Variants in TENM4 observed in about 807,000 individuals in gnomAD.
TENM4 encodes the protein teneurin transmembrane protein 4.
TENM4 carries 82 observed loss-of-function variants against 243.3 expected under a neutral mutation model. That is an observed-to-expected ratio of 0.34 (90% CI 0.28 to 0.40). The LOEUF is 0.40. TENM4 is among the 10% of genes least tolerant of loss of function. The pLI is 1.00. For missense variants in TENM4, 3,138 were observed against 3,673.3 expected, an observed-to-expected ratio of 0.85 and a Z score of 3.77; for synonymous variants, 1,412 against 1,456.3, an observed-to-expected ratio of 0.97 and a Z score of 0.69.
At chr11:79,309,762 A>G (rs1856688039) in intron 1 of TENM4, among the ~76,000 whole-genome samples, 1 of 152,228 alleles carries the variant, frequency 6.6e-6, no homozygotes, top group African/African-American at 2.4e-5. Context: ...AGAAAAGACA[A>G]GACTTCCCAA....
At chr11:79,222,009 C>T (rs1017808528) in intron 2 of TENM4, among the ~76,000 whole-genome samples, 5 of 152,104 alleles carry the variant, frequency 3.3e-5, no homozygotes, top group African/African-American at 1.2e-4. Flanking sequence ...TGTGAACACA[C>T]GAGTGGTCCT....
intron 3 of TENM4, among the ~76,000 whole-genome samples, chr11:79,181,714 AAAAG>A (rs1000731357): frequency 4.6e-5 from 7 of 152,056 alleles, no homozygotes; most frequent in South Asian, 4.1e-4. Flanking sequence ...TAAAAAAAAA[AAAAG>A]AAAGTCCTGG....
chr11:79,203,322 C>T (rs935082089), intron 3 of TENM4, among the ~76,000 whole-genome samples: 6 of 152,130 alleles, frequency 3.9e-5, no homozygotes, highest in Admixed American at 3.9e-4. Context: ...GTGTTTATAG[C>T]AACATTATTC....
chr11:79,044,608 A>G (rs1859615867), intron 6 of TENM4, among the ~76,000 whole-genome samples: 1 of 152,212 alleles, frequency 6.6e-6, no homozygotes, highest in Non-Finnish European at 1.5e-5. Flanking sequence ...GAGGAAACAC[A>G]TCGTACTAAA....
At chr11:78,967,848 T>C (rs1392913235) in intron 6 of TENM4, among the ~76,000 whole-genome samples, 2 of 152,228 alleles carry the variant, frequency 1.3e-5, no homozygotes, top group Admixed American at 6.5e-5. Context: ...TCCAGGTTTC[T>C]AGAGAGGCAG....
At chr11:78,793,331 T>C (rs1259982528) in intron 15 of TENM4, among the ~76,000 whole-genome samples, 1 of 152,196 alleles carries the variant, frequency 6.6e-6, no homozygotes, top group Non-Finnish European at 1.5e-5. Context: ...CAAATGAAGC[T>C]GTTTCTAAAA....
At chr11:78,876,324 T>C (rs1479824925) in intron 9 of TENM4, among the ~76,000 whole-genome samples, 2 of 152,250 alleles carry the variant, frequency 1.3e-5, no homozygotes, top group African/African-American at 4.8e-5. Context: ...TCTGTAGTTT[T>C]ATACTGAAAG....
chr11:79,079,845 A>AC (rs1221263008), intron 4 of TENM4, among the ~76,000 whole-genome samples: 1 of 151,566 alleles, frequency 6.6e-6, no homozygotes, highest in Non-Finnish European at 1.5e-5. Context: ...AAAAAAAAAA[A>AC]AAAAGAAGAA....
At chr11:79,339,143 G>A (rs1171038949) in intron 1 of TENM4, among the ~76,000 whole-genome samples, 2 of 152,124 alleles carry the variant, frequency 1.3e-5, no homozygotes, top group East Asian at 1.9e-4. Flanking sequence ...GGCCAAGCAG[G>A]GGATTGTTGG....
Position 78,655,616 on chromosome 11 carries a change from G to T in TENM4, c.*2442C>A, listed in dbSNP as rs1857871581. On this transcript the variant is annotated 3_prime_UTR_variant, in exon 34 of 34. Transcript: ENST00000278550. ...TTCCTTTGGGGAGGGGGCTGTGGAG[G>T]AGGGACAGGGCGTGGGGGAAGCGTA... The T allele has an allele frequency of 6.6e-6, 1 of 152,262 alleles. No individual in the cohort carries two copies. Among genetic ancestry groups the T allele is most frequent in the African/African-American group, 2.4e-5 (1 of 41,432 alleles). The allele number at this position is 152,262 out of a possible 1,614,324, so 9.4% of individuals were successfully genotyped here. A position where few individuals can be genotyped will look rare whatever the true frequency, so the allele number is the denominator to read the frequency against.
intron 1 of TENM4, among the ~76,000 whole-genome samples, chr11:79,339,525 A>T (rs1857207544): frequency 6.6e-6 from 1 of 152,180 alleles, no homozygotes; most frequent in Non-Finnish European, 1.5e-5. Context: ...TCCTGTGCAT[A>T]TCCCTCTCTC....
intron 6 of TENM4, among the ~76,000 whole-genome samples, chr11:79,043,126 C>A (rs1411422043): frequency 6.6e-6 from 1 of 152,176 alleles, no homozygotes; most frequent in African/African-American, 2.4e-5. Context: ...GCTAACAGCA[C>A]AATTCCTCTT....
At chr11:79,075,197 CTG>C (rs1860510377) in intron 4 of TENM4, among the ~76,000 whole-genome samples, 1 of 152,376 alleles carries the variant, frequency 6.6e-6, no homozygotes, top group East Asian at 1.9e-4. Context: ...ATTTCTACCT[CTG>C]TGAATCGGTC....
intron 2 of TENM4, among the ~76,000 whole-genome samples, chr11:79,256,261 T>A (rs981800761): frequency 6.6e-6 from 1 of 152,218 alleles, no homozygotes; most frequent in Non-Finnish European, 1.5e-5. Flanking sequence ...GTGTTGCTAA[T>A]CCTGGGGTGC....
rs370684363 is a variant in TENM4 at position 78,708,454 on chromosome 11, G to A, written c.4116C>T (p.Ile1372=). The change falls in exon 27 of 34, where the codon ATC becomes ATT. Residue 1372 remains isoleucine, a synonymous_variant. Transcript: ENST00000278550. ...GGGTGGAGATGATCCCATTCTGATC[G>A]ATGCGTCTGATCATGGTGCCATCCA... ...YFVDGTMIRR[I]DQNGIISTLL... is the part of the protein sequence containing the mutation. 63 of 1,614,002 alleles carry A rather than the reference G, an allele frequency of 3.9e-5. No individual in the cohort carries two copies. The highest frequency in any genetic ancestry group is 5.2e-5 in the Non-Finnish European group (61 of 1,179,894).
chr11:78,801,272 C>G (rs1272838547), intron 15 of TENM4, among the ~76,000 whole-genome samples: 1 of 152,196 alleles, frequency 6.6e-6, no homozygotes, highest in Non-Finnish European at 1.5e-5. Flanking sequence ...GTAGCCACCT[C>G]CCCCACCATC....
chr11:79,249,323 G>A (rs994705480), intron 2 of TENM4, among the ~76,000 whole-genome samples: 30 of 152,154 alleles, frequency 2.0e-4, no homozygotes, highest in African/African-American at 7.0e-4. Flanking sequence ...AAGCACAAAA[G>A]CCGAGATTTG....
intron 6 of TENM4, among the ~76,000 whole-genome samples, chr11:78,912,972 T>C (rs1402146183): frequency 6.6e-6 from 1 of 152,248 alleles, no homozygotes; most frequent in Admixed American, 6.5e-5. Flanking sequence ...GGCAAAACAC[T>C]TAACCTATCT....
intron 3 of TENM4, chr11:79,191,781 C>G (rs1271568395): frequency 5.2e-6 from 1 of 193,198 alleles, no homozygotes; most frequent in African/African-American, 2.4e-5. Context: ...CGGCCGCGAC[C>G]CCGTCTGGGA....
Sources: allele counts gnomAD v4.1 joint callset (sites outside exome capture counted in the v4.1 genomes callset), GRCh38; gene constraint gnomAD v4.1.1; transcripts MANE v1.5; gene names NCBI Gene and HGNC (gene_info 2026-07-23, HGNC 2026-07-21).